RGL1: variants seen among roughly 807,000 people sequenced by gnomAD.
RGL1 encodes ral guanine nucleotide dissociation stimulator like 1.
RGL1 carries 24 observed loss-of-function variants against 95.2 expected under a neutral mutation model. That is an observed-to-expected ratio of 0.25 (90% CI 0.18 to 0.35). RGL1 has a LOEUF of 0.35. RGL1 is among the 10% of genes least tolerant of loss of function. The probability of loss-of-function intolerance (pLI) is 1.00; values close to 1 mark genes in which losing one functional copy is unlikely to be tolerated. For synonymous variants in RGL1, 329 were observed against 344.9 expected (o/e 0.95, Z 0.51); for missense variants, 715 against 936.3 (o/e 0.76, Z 3.08).
At chr1:183,921,993 T>C (rs1440311421) in intron 16 of RGL1, among the ~76,000 whole-genome samples, 4 of 152,216 alleles carry the variant, frequency 2.6e-5, no homozygotes, top group South Asian at 4.1e-4. Context: ...TAATAGCGGA[T>C]GACGCTGTGA....
chr1:183,751,995 G>A (rs780720898), intron 2 of RGL1, among the ~76,000 whole-genome samples: 8 of 152,072 alleles, frequency 5.3e-5, no homozygotes, highest in Non-Finnish European at 1.0e-4. Flanking sequence ...GTTCCTATTC[G>A]GCCATCTTGC....
chr1:183,698,414 A>T (rs1252764258), intron 1 of RGL1, among the ~76,000 whole-genome samples: 1 of 152,244 alleles, frequency 6.6e-6, no homozygotes, highest in Non-Finnish European at 1.5e-5. Context: ...TAGAAACAGG[A>T]AATGATTTCT....
At chr1:183,693,094 G>T (rs1450023806) in intron 1 of RGL1, among the ~76,000 whole-genome samples, 1 of 151,862 alleles carries the variant, frequency 6.6e-6, no homozygotes, top group South Asian at 2.1e-4. Flanking sequence ...AGCTGGGACT[G>T]CAGGCGTGTG....
chr1:183,914,691 C>T (rs927545894), intron 15 of RGL1, among the ~76,000 whole-genome samples: 5 of 152,166 alleles, frequency 3.3e-5, no homozygotes. Context: ...TTTGCACTTG[C>T]TCCTCACTTC....
At chr1:183,904,271 C>T (rs570700512) in intron 12 of RGL1, among the ~76,000 whole-genome samples, 5 of 152,056 alleles carry the variant, frequency 3.3e-5, no homozygotes, top group South Asian at 4.2e-4. Context: ...GATTTAGTGG[C>T]GTAGTAAAAA....
At chr1:183,854,516 C>T (rs1315303898) in intron 3 of RGL1, among the ~76,000 whole-genome samples, 1 of 152,142 alleles carries the variant, frequency 6.6e-6, no homozygotes, top group Non-Finnish European at 1.5e-5. Flanking sequence ...GTTAGTGCAA[C>T]CAGTTCCTCC....
chr1:183,864,308 T>C (rs1429349661), intron 3 of RGL1, among the ~76,000 whole-genome samples: 1 of 152,158 alleles, frequency 6.6e-6, no homozygotes, highest in Admixed American at 6.5e-5. Flanking sequence ...TGGACTAACA[T>C]GGAATGTAAC....
intron 2 of RGL1, among the ~76,000 whole-genome samples, chr1:183,808,389 G>A (rs900546925): frequency 3.9e-5 from 6 of 152,036 alleles, no homozygotes; most frequent in Admixed American, 6.5e-5. Flanking sequence ...TGTCCCCCTC[G>A]CCCCCATTTC....
intron 1 of RGL1, among the ~76,000 whole-genome samples, chr1:183,702,479 A>G (rs1251115907): frequency 6.6e-6 from 1 of 152,198 alleles, no homozygotes; most frequent in Non-Finnish European, 1.5e-5. Context: ...GATCCATCAG[A>G]TGAACGCTGG....
At chr1:183,664,446 T>C (rs1400649492) in intron 1 of RGL1, among the ~76,000 whole-genome samples, 1 of 152,108 alleles carries the variant, frequency 6.6e-6, no homozygotes, top group East Asian at 1.9e-4. Context: ...TTTAGAATTA[T>C]TATAATTTTT....
chr1:183,659,245 G>T (rs6688810), intron 1 of RGL1, among the ~76,000 whole-genome samples: 1 of 152,050 alleles, frequency 6.6e-6, no homozygotes, highest in Non-Finnish European at 1.5e-5. Flanking sequence ...GGCTTCAGAC[G>T]ATCAAACTAC....
At chr1:183,748,242 GTCTA>G (rs1226665676) in intron 2 of RGL1, among the ~76,000 whole-genome samples, 2 of 151,824 alleles carry the variant, frequency 1.3e-5, no homozygotes, top group South Asian at 2.1e-4. Flanking sequence ...CTGGCTAGTG[GTCTA>G]TCTATTTTGC....
intron 2 of RGL1, among the ~76,000 whole-genome samples, chr1:183,770,261 A>G (rs974884056): frequency 1.4e-4 from 21 of 152,156 alleles, no homozygotes; most frequent in East Asian, 1.2e-3. Context: ...GCAGATGACA[A>G]ATTTCAAAGG....
At chr1:183,816,106 C>A (rs1159169472) in intron 2 of RGL1, among the ~76,000 whole-genome samples, 1 of 152,216 alleles carries the variant, frequency 6.6e-6, no homozygotes, top group Non-Finnish European at 1.5e-5. Context: ...ATCTCTCTGG[C>A]TCCTTGCATA....
intron 4 of RGL1, among the ~76,000 whole-genome samples, chr1:183,874,187 C>A (rs1009263541): frequency 6.6e-6 from 1 of 152,084 alleles, no homozygotes; most frequent in African/African-American, 2.4e-5. Flanking sequence ...TTTTATTATT[C>A]TTATTTTACA....
chr1:183,925,683 TTC>T (rs984615478), intron 17 of RGL1, among the ~76,000 whole-genome samples: 30 of 152,318 alleles, frequency 2.0e-4, no homozygotes, highest in African/African-American at 7.0e-4. Context: ...TGTCATTGGA[TTC>T]TCTTAGTCTT....
At chr1:183,759,232 G>A (rs907204467) in intron 2 of RGL1, among the ~76,000 whole-genome samples, 2 of 152,220 alleles carry the variant, frequency 1.3e-5, no homozygotes, top group Non-Finnish European at 2.9e-5. Context: ...GAAGACAAGA[G>A]TGAGTGGGAA....
intron 2 of RGL1, among the ~76,000 whole-genome samples, chr1:183,844,659 TC>T (rs1239800486): frequency 1.3e-5 from 2 of 152,218 alleles, no homozygotes; most frequent in Non-Finnish European, 2.9e-5. Flanking sequence ...AAACCATATA[TC>T]TTTTTCACTT....
At chr1:183,689,350 A>T (rs1653803795) in intron 1 of RGL1, among the ~76,000 whole-genome samples, 1 of 152,230 alleles carries the variant, frequency 6.6e-6, no homozygotes. Flanking sequence ...TGAAGAGAGG[A>T]TAAGAGACAT....
Sources: gnomAD v4.1 joint callset for allele counts (sites outside exome capture counted in the v4.1 genomes callset) on GRCh38, gnomAD v4.1.1 for gene constraint, MANE v1.5 for transcripts, NCBI Gene and HGNC (gene_info 2026-07-23, HGNC 2026-07-21) for gene names.